Variants in PKIG observed in about 807,000 individuals in gnomAD.
PKIG encodes cAMP-dependent protein kinase inhibitor gamma.
PKIG carries 1 observed loss-of-function variant against 6.8 expected under a neutral mutation model. The observed-to-expected ratio is 0.15, with a 90% CI of 0.05 to 0.69. The LOEUF (loss-of-function observed/expected upper bound fraction) is 0.69. Among genes scored for constraint, PKIG ranks in the 30% least tolerant of loss-of-function variants. PKIG has a pLI of 0.82. For missense variants in PKIG, 77 were observed against 104.0 expected (o/e 0.74, Z 1.13); for synonymous variants, 39 against 43.0 (o/e 0.91, Z 0.36).
intron 1 of PKIG, among the ~76,000 whole-genome samples, chr20:44,554,292 A>G (rs557933127): frequency 3.3e-5 from 5 of 152,064 alleles, no homozygotes; most frequent in Middle Eastern, 3.2e-3. Context: ...CATGTTGGTC[A>G]GGCTGGTCTC....
intron 1 of PKIG, chr20:44,584,980 C>T (rs2064978230): frequency 6.6e-6 from 1 of 152,232 alleles, no homozygotes; most frequent in Admixed American, 6.5e-5. Context: ...TGGACTGTTG[C>T]TGCCATGGAC....
intron 2 of PKIG, among the ~76,000 whole-genome samples, chr20:44,610,846 C>T (rs1469806759): frequency 6.6e-6 from 1 of 151,990 alleles, no homozygotes; most frequent in African/African-American, 2.4e-5. Flanking sequence ...TATGTCAGTA[C>T]AGGCCCATCT....
chr20:44,545,545 A>G (rs1402478628), intron 1 of PKIG, among the ~76,000 whole-genome samples: 2 of 152,176 alleles, frequency 1.3e-5, no homozygotes, highest in Non-Finnish European at 2.9e-5. Context: ...AGATTCTGAC[A>G]GATAGGGTAA....
chr20:44,613,597 A>C (rs190690005), intron 2 of PKIG, among the ~76,000 whole-genome samples: 249 of 152,122 alleles, frequency 1.6e-3, no homozygotes, highest in African/African-American at 5.8e-3. Flanking sequence ...CTGTCCACCT[A>C]CTTATTCACA....
chr20:44,532,198 C>T (rs935622305), intron 1 of PKIG, among the ~76,000 whole-genome samples: 5 of 152,192 alleles, frequency 3.3e-5, no homozygotes, highest in Admixed American at 1.3e-4. Context: ...TATTTGTAGC[C>T]ATTGGTCGAC....
At chr20:44,589,552 G>A (rs952734060) in intron 1 of PKIG, among the ~76,000 whole-genome samples, 2 of 151,660 alleles carry the variant, frequency 1.3e-5, no homozygotes, top group Admixed American at 6.6e-5. Flanking sequence ...AGTTGTTTTC[G>A]CCCCTTGGTT....
intron 1 of PKIG, among the ~76,000 whole-genome samples, chr20:44,584,868 C>T (rs911385682): frequency 3.3e-5 from 5 of 151,992 alleles, no homozygotes; most frequent in Non-Finnish European, 5.9e-5. Context: ...GGATTACAGG[C>T]GCCTGCCACC....
chr20:44,550,406 G>GA (rs376235557), intron 1 of PKIG, among the ~76,000 whole-genome samples: 211 of 145,136 alleles, frequency 1.5e-3, no homozygotes, highest in African/African-American at 4.7e-3. Context: ...ATTATTAACT[G>GA]AAAAAAAAAA....
At chr20:44,572,520 A>T (rs1354138982) in intron 1 of PKIG, among the ~76,000 whole-genome samples, 1 of 152,230 alleles carries the variant, frequency 6.6e-6, no homozygotes, top group Non-Finnish European at 1.5e-5. Flanking sequence ...TCAGCAACTT[A>T]AATAAAACAT....
chr20:44,566,132 A>G (rs2064808766), intron 1 of PKIG, among the ~76,000 whole-genome samples: 1 of 152,252 alleles, frequency 6.6e-6, no homozygotes, highest in Non-Finnish European at 1.5e-5. Context: ...TCTCTAAGAC[A>G]GAGATTGGGA....
At chr20:44,585,122 C>T (rs2064979605) in intron 1 of PKIG, 1 of 152,354 alleles carries the variant, frequency 6.6e-6, no homozygotes, top group Non-Finnish European at 1.5e-5. Flanking sequence ...AGGTGATGTT[C>T]TGGAAGGAAG....
rs139073972 is a variant in PKIG, at chr20:44,599,826, G to A, written c.-24+9960G>A. 4.3e-3 allele frequency among the ~76,000 whole-genome samples: 647 copies of A among 152,226 alleles called. 8 individuals are homozygous for A. Among genetic ancestry groups the A allele is most frequent in the African/African-American group, 0.015 (615 of 41,536 alleles). On this transcript the variant is annotated intron_variant, in intron 2 of 3. Coordinates refer to ENST00000372886, the MANE Select transcript of PKIG (RefSeq NM_001281445.2). Reference sequence around the variant, plus strand: ...TGTGAGCCCTCCCATTTTATAGAAGGGGTGTCTGCAGTTAGGTGAGGTGCC... The same window carrying A: ...TGTGAGCCCTCCCATTTTATAGAAGAGGTGTCTGCAGTTAGGTGAGGTGCC...
At chr20:44,585,584 G>C (rs2064983083) in intron 1 of PKIG, among the ~76,000 whole-genome samples, 1 of 152,350 alleles carries the variant, frequency 6.6e-6, no homozygotes, top group Non-Finnish European at 1.5e-5. Flanking sequence ...AATGAGAACT[G>C]GTTGTCCCCG....
chr20:44,580,315 G>A (rs1421997315), upstream of PKIG, among the ~76,000 whole-genome samples: 3 of 151,976 alleles, frequency 2.0e-5, no homozygotes, highest in East Asian at 5.8e-4. Context: ...TGGGTTACCA[G>A]GCTGGTGTTT....
At chr20:44,605,904 G>A (rs2065160329) in intron 2 of PKIG, among the ~76,000 whole-genome samples, 1 of 152,140 alleles carries the variant, frequency 6.6e-6, no homozygotes, top group Non-Finnish European at 1.5e-5. Context: ...TCCAGACCCT[G>A]TCTCAAAAAA....
intron 1 of PKIG, among the ~76,000 whole-genome samples, chr20:44,573,946 T>TA (rs1466254132): frequency 6.6e-6 from 1 of 152,206 alleles, no homozygotes; most frequent in Non-Finnish European, 1.5e-5. Flanking sequence ...TAGCTAACTT[T>TA]AAAAAATCCA....
chr20:44,578,072 G>A (rs1346560270), upstream of PKIG, among the ~76,000 whole-genome samples: 1 of 152,050 alleles, frequency 6.6e-6, no homozygotes, highest in Non-Finnish European at 1.5e-5. Context: ...CGGGCATGGT[G>A]GCTCATGCCT....
At chr20:44,541,273 A>G (rs1167698572) in intron 1 of PKIG, among the ~76,000 whole-genome samples, 1 of 152,120 alleles carries the variant, frequency 6.6e-6, no homozygotes, top group Non-Finnish European at 1.5e-5. Context: ...TTTTAAGACT[A>G]GACTATGGGT....
intron 1 of PKIG, among the ~76,000 whole-genome samples, chr20:44,538,465 T>C (rs541098753): frequency 3.3e-4 from 51 of 152,318 alleles, no homozygotes; most frequent in Admixed American, 4.6e-4. Context: ...AGTTTAAACA[T>C]ACAAAAGTAG....
Sources: allele counts gnomAD v4.1 joint callset (sites outside exome capture counted in the v4.1 genomes callset), GRCh38; gene constraint gnomAD v4.1.1; transcripts MANE v1.5; gene names NCBI Gene and HGNC (gene_info 2026-07-23, HGNC 2026-07-21).